Variants in MRPS9 observed in about 807,000 individuals in gnomAD.
The protein encoded by MRPS9 is small ribosomal subunit protein uS9m.
Under a neutral mutation model 59.9 loss-of-function variants are expected in MRPS9, and 45 were observed. The ratio of observed to expected loss-of-function variants is 0.75; its 90% CI spans 0.59 to 0.96. The LOEUF (loss-of-function observed/expected upper bound fraction) is 0.96. Among genes scored for constraint, MRPS9 ranks in the 40% least tolerant of loss-of-function variants. The pLI is 0.00. For missense variants in MRPS9, 473 were observed against 481.1 expected (o/e 0.98, Z 0.16); for synonymous variants, 171 against 166.8 (o/e 1.03, Z -0.19).
intron 2 of MRPS9, among the ~76,000 whole-genome samples, chr2:105,069,327 G>A (rs929907096): frequency 1.6e-4 from 24 of 150,170 alleles, no homozygotes; most frequent in African/African-American, 5.6e-4. Context: ...CGATTCTCCT[G>A]CCTCAGCCTC....
chr2:105,050,100 C>T (rs896464567), intron 2 of MRPS9, among the ~76,000 whole-genome samples: 1 of 152,052 alleles, frequency 6.6e-6, no homozygotes, highest in African/African-American at 2.4e-5. Flanking sequence ...CACTTTCAGA[C>T]CAACATTTTT....
chr2:105,070,805 A>G (rs1181326959), intron 2 of MRPS9, among the ~76,000 whole-genome samples: 1 of 152,226 alleles, frequency 6.6e-6, no homozygotes, highest in African/African-American at 2.4e-5. Flanking sequence ...CAATGCCAGT[A>G]GCATCCCTAT....
At chr2:105,070,531 C>T (rs1680093375) in intron 2 of MRPS9, among the ~76,000 whole-genome samples, 2 of 152,172 alleles carry the variant, frequency 1.3e-5, no homozygotes, top group Admixed American at 1.3e-4. Flanking sequence ...ATAGACTCTT[C>T]ATCGGCACTG....
At chr2:105,097,620 T>G (rs561687617) in intron 10 of MRPS9, among the ~76,000 whole-genome samples, 8 of 152,332 alleles carry the variant, frequency 5.3e-5, no homozygotes, top group African/African-American at 1.9e-4. Flanking sequence ...GCATAACCTT[T>G]TATCCAGCTT....
chr2:105,088,877 G>A, intron 5 of MRPS9, 107 bp from the exon 6 acceptor site: 2 of 593,622 alleles, frequency 3.4e-6, no homozygotes, highest in Non-Finnish European at 5.6e-6. Context: ...CTGAGGAGGA[G>A]GACACCTTAG....
chr2:105,050,600 GT>G (rs2104442148), intron 2 of MRPS9, among the ~76,000 whole-genome samples: 1 of 152,270 alleles, frequency 6.6e-6, no homozygotes, highest in African/African-American at 2.4e-5. Context: ...ACCATGAGAT[GT>G]TAGATATTAC....
chr2:105,063,055 C>T (rs998239757), intron 2 of MRPS9, among the ~76,000 whole-genome samples: 2 of 152,124 alleles, frequency 1.3e-5, no homozygotes, highest in African/African-American at 4.8e-5. Context: ...AAAAATACTA[C>T]AAAAGAGAAA....
At chr2:105,067,739 A>AGTGTGTGT (rs113470512) in intron 2 of MRPS9, among the ~76,000 whole-genome samples, 117 of 148,492 alleles carry the variant, frequency 7.9e-4, no homozygotes, top group Middle Eastern at 3.5e-3. Context: ...CCTTCTCCTG[A>AGTGTGTGT]GTGTGTGTGT....
intron 2 of MRPS9, among the ~76,000 whole-genome samples, chr2:105,059,867 G>T (rs1209726204): frequency 6.6e-6 from 1 of 152,018 alleles, no homozygotes; most frequent in African/African-American, 2.4e-5. Context: ...ACAGTGAACA[G>T]ATAGGTTAAC....
chr2:105,089,135 T>A (rs1477271657), intron 6 of MRPS9, 66 bp downstream of exon 6: 1 of 1,241,502 alleles, frequency 8.1e-7, no homozygotes, highest in East Asian at 2.4e-5. Flanking sequence ...CTCATTGGTA[T>A]TTTTTTAGAC....
chr2:105,038,174 C>A lies in MRPS9; in HGVS notation c.82C>A (p.Gln28Lys). 8.1e-6 allele frequency: 13 copies of A among 1,613,520 alleles called. No homozygotes were observed. The highest frequency in any genetic ancestry group is 1.1e-5 in the Non-Finnish European group (13 of 1,179,780). ...GGGTAGGGGTAGCCTCGCCCGGAAGCAAGGCCTCTGGAAAACCGCGGCCCC... is the reference window on the plus strand; with the variant it reads ...GGGTAGGGGTAGCCTCGCCCGGAAGAAAGGCCTCTGGAAAACCGCGGCCCC... ...LWGRGSLARK[Q>K]GLWKTAAPEL... Residue 28 changes from glutamine to lysine, a missense_variant, in exon 1 of 11, where the codon CAA (glutamine) becomes AAA (lysine). Transcript: ENST00000258455.
intron 1 of MRPS9, among the ~76,000 whole-genome samples, chr2:105,043,334 TC>T (rs1324270033): frequency 2.0e-5 from 3 of 152,210 alleles, no homozygotes; most frequent in African/African-American, 7.2e-5. Context: ...AGTATCCGTT[TC>T]CCCTTCATAG....
chr2:105,050,117 A>G (rs993535159), intron 2 of MRPS9, among the ~76,000 whole-genome samples: 10 of 151,740 alleles, frequency 6.6e-5, no homozygotes, highest in African/African-American at 2.4e-4. Context: ...TTTTTATTCA[A>G]CCAGAAGGAT....
chr2:105,063,800 C>G (rs1399486138), intron 2 of MRPS9, among the ~76,000 whole-genome samples: 1 of 152,164 alleles, frequency 6.6e-6, no homozygotes, highest in Admixed American at 6.5e-5. Flanking sequence ...TTGGTTCTCT[C>G]AAGGGCTCTG....
At chr2:105,040,301 G>A (rs555852140) in intron 1 of MRPS9, among the ~76,000 whole-genome samples, 1 of 152,244 alleles carries the variant, frequency 6.6e-6, no homozygotes, top group African/African-American at 2.4e-5. Flanking sequence ...CTTAATGAGT[G>A]ACAAAACACT....
At chr2:105,048,013 C>T (rs1679624273) in intron 1 of MRPS9, among the ~76,000 whole-genome samples, 1 of 151,982 alleles carries the variant, frequency 6.6e-6, no homozygotes. Flanking sequence ...AAAAGTGTTC[C>T]TATTTCTCCA....
At chr2:105,068,168 A>C (rs1181569658) in intron 2 of MRPS9, among the ~76,000 whole-genome samples, 3 of 152,170 alleles carry the variant, frequency 2.0e-5, no homozygotes, top group African/African-American at 4.8e-5. Context: ...ATTGCTCCTA[A>C]AGTTCCATTC....
At chr2:105,072,512 T>C (rs1009183747) in intron 4 of MRPS9, among the ~76,000 whole-genome samples, 12 of 152,060 alleles carry the variant, frequency 7.9e-5, no homozygotes, top group African/African-American at 2.7e-4. Context: ...ATTTATGTAA[T>C]ACTTAATTCA....
chr2:105,082,170 G>A (rs573503022), intron 5 of MRPS9, among the ~76,000 whole-genome samples: 65 of 152,270 alleles, frequency 4.3e-4, no homozygotes, highest in Non-Finnish European at 8.4e-4. Flanking sequence ...ACGGGAGGTC[G>A]CCCCTGAAGA....
Sources: allele counts gnomAD v4.1 joint callset (sites outside exome capture counted in the v4.1 genomes callset), GRCh38; gene constraint gnomAD v4.1.1; transcripts MANE v1.5; gene names NCBI Gene and HGNC (gene_info 2026-07-23, HGNC 2026-07-21).